Variants in HIGD1B observed in about 807,000 individuals in gnomAD.
HIGD1B encodes HIG1 domain family member 1B.
A neutral mutation model predicts 8.8 loss-of-function variants in HIGD1B; 9 were observed. The observed-to-expected ratio is 1.02, with a 90% CI of 0.62 to 1.78. The LOEUF (loss-of-function observed/expected upper bound fraction) is 1.78, where lower values mean the gene tolerates loss of function less well. HIGD1B is among the 40% of genes most tolerant of loss of function. HIGD1B has a pLI of 0.00. For missense variants in HIGD1B, 126 were observed against 111.8 expected, an observed-to-expected ratio of 1.13 and a Z score of -0.57; for synonymous variants, 47 against 38.8, an observed-to-expected ratio of 1.21 and a Z score of -0.78.
chr17:44,849,495 T>A, intron 2 of HIGD1B, 107 bp downstream of exon 2: 1 of 1,313,970 alleles, frequency 7.6e-7, no homozygotes, highest in Non-Finnish European at 1.0e-6. Flanking sequence ...GGCGCGGTGG[T>A]TCACGCCTGT....
At chr17:44,850,237 G>A (rs1427304366) in intron 2 of HIGD1B, 95 bp from the exon 3 acceptor site, 2 of 896,574 alleles carry the variant, frequency 2.2e-6, no homozygotes, top group Non-Finnish European at 3.5e-6. Context: ...GACTCTCAAG[G>A]GAGCAGCTAG....
At position 44,847,951 on chromosome 17, in the gene HIGD1B, G is replaced by T; in HGVS notation, c.-202G>T. 4.1e-6 allele frequency: 2 copies of T among 488,050 alleles called. 1 individual carries two copies. The highest frequency in any genetic ancestry group is 5.6e-5 in the South Asian group (2 of 35,732). The allele number at this position is 488,050 out of a possible 1,614,324, so 30.2% of individuals were successfully genotyped here. On this transcript the variant is annotated 5_prime_UTR_variant, in exon 1 of 3. Transcript: ENST00000253410. ...TGGAGACGGAGAAATGGCACTAATG[G>T]CCCAGCCACCTGAGATGGGATACCT...
At chr17:44,849,663 G>A (rs1480234136) in intron 2 of HIGD1B, among the ~76,000 whole-genome samples, 4 of 151,066 alleles carry the variant, frequency 2.6e-5, no homozygotes, top group East Asian at 1.9e-4. Flanking sequence ...TGGAGGCTTC[G>A]GCAGGAGAAT....
chr17:44,845,354 A>G (rs1281272164), upstream of HIGD1B, among the ~76,000 whole-genome samples: 4 of 151,754 alleles, frequency 2.6e-5, no homozygotes, highest in Admixed American at 2.6e-4. Flanking sequence ...ATCACCCCAT[A>G]GGTAGTATAA....
At position 44,850,472 on chromosome 17, in the gene HIGD1B, G is replaced by A. The variant is rs1597785135; in HGVS notation, c.*76G>A. On this transcript the variant is annotated 3_prime_UTR_variant, in exon 3 of 3. Coordinates refer to ENST00000253410, the MANE Select transcript of HIGD1B (RefSeq NM_016438.4). ...ACATTCCTAATAAAGCAGTTTTGAGGAAAATCAACAGACTCTTTTTCACTG... is the reference window on the plus strand; with the variant it reads ...ACATTCCTAATAAAGCAGTTTTGAGAAAAATCAACAGACTCTTTTTCACTG... 9.1e-7 allele frequency: 1 copy of A among 1,103,456 alleles called. No individual in the cohort carries two copies. Among genetic ancestry groups the A allele is most frequent in the East Asian group, 2.4e-5 (1 of 41,910 alleles). The allele number at this position is 1,103,456 out of a possible 1,614,324, so 68.4% of individuals were successfully genotyped here. A position where few individuals can be genotyped will look rare whatever the true frequency, so the allele number is the denominator to read the frequency against.
chr17:44,849,200 G>C (rs1175381655), intron 1 of HIGD1B, 54 bp from the exon 2 acceptor site: 2 of 1,603,354 alleles, frequency 1.2e-6, no homozygotes, highest in Non-Finnish European at 1.7e-6. Context: ...TCTCTCATCA[G>C]GGGAGTGCTG....
At chr17:44,845,434 C>T (rs1477968271), upstream of HIGD1B, among the ~76,000 whole-genome samples, 3 of 151,924 alleles carry the variant, frequency 2.0e-5, no homozygotes, top group Non-Finnish European at 2.9e-5. Context: ...AGTTCTGAGA[C>T]CAGCCAGGGT....
intron 1 of HIGD1B, 110 bp from the exon 2 acceptor site, chr17:44,849,144 A>C: frequency 4.1e-5 from 51 of 1,243,036 alleles, no homozygotes; most frequent in East Asian, 1.7e-4. Flanking sequence ...CAGATGCTGC[A>C]TAAAACCAGC....
chr17:44,849,335 T>TGATTCACACCC lies in HIGD1B; in HGVS notation c.185_195dup (p.Val66PhefsTer17). 6.2e-7 allele frequency: 1 copy of TGATTCACACCC among 1,614,186 alleles called. No individual in the cohort carries two copies. Among genetic ancestry groups the TGATTCACACCC allele is most frequent in the Non-Finnish European group, 8.5e-7 (1 of 1,180,030 alleles). ...GGTTCCACCAAGATGTCCATACACC[T>TGATTCACACCC]GATTCACACCCGAGTGGCAGCGCAG... On this transcript the variant is annotated frameshift_variant, in exon 2 of 3. Transcript: ENST00000253410. LOFTEE classifies it high-confidence loss of function.
chr17:44,846,783 T>TAAAA (rs760853788), upstream of HIGD1B, among the ~76,000 whole-genome samples: 1 of 121,360 alleles, frequency 8.2e-6, no homozygotes, highest in African/African-American at 3.0e-5. Flanking sequence ...AGACCCTGCC[T>TAAAA]AAAAAAAAAA....
At chr17:44,845,174 C>A (rs940052948), upstream of HIGD1B, among the ~76,000 whole-genome samples, 4 of 151,286 alleles carry the variant, frequency 2.6e-5, no homozygotes, top group South Asian at 4.2e-4. Context: ...AGGACAATCA[C>A]TTGAACCCGG....
At chr17:44,850,098 G>T in intron 2 of HIGD1B, 1 of 440,596 alleles carries the variant, frequency 2.3e-6, no homozygotes, top group Admixed American at 3.4e-5. Context: ...GCTGCTGTGA[G>T]GTTTCTCAGA....
chr17:44,849,447 C>T, intron 2 of HIGD1B, 59 bp downstream of exon 2: 1 of 1,591,706 alleles, frequency 6.3e-7, no homozygotes, highest in Admixed American at 1.7e-5. Context: ...GTTTGTAGGT[C>T]TTTAAGTCCC....
At chr17:44,849,185 A>G (rs1249005605) in intron 1 of HIGD1B, 69 bp from the exon 2 acceptor site, 6 of 1,566,368 alleles carry the variant, frequency 3.8e-6, no homozygotes, top group Non-Finnish European at 5.2e-6. Flanking sequence ...CTGCCTGGTA[A>G]GGTATCTCTC....
At position 44,849,361 on chromosome 17, in the gene HIGD1B, G is replaced by T. The variant is rs2050384940; in HGVS notation, c.208G>T (p.Ala70Ser). The T allele has an allele frequency of 1.9e-6, 3 of 1,614,174 alleles. No homozygotes were observed. The highest frequency in any genetic ancestry group is 2.5e-6 in the Non-Finnish European group (3 of 1,180,020). Residue 70 changes from alanine (A) to serine (S), a missense_variant, in exon 2 of 3, where the codon GCC becomes TCC. Ala to Ser is a moderately conservative substitution (Grantham distance 99). Coordinates refer to ENST00000253410, the MANE Select transcript of HIGD1B (RefSeq NM_016438.4). ...HLIHTRVAAQ[A>S]CAVGAIMLGA... ...GATTCACACCCGAGTGGCAGCGCAG[G>T]CCTGTGCAGTGGGTGCAATCATGCT...
At chr17:44,846,717 C>G (rs1300385520), upstream of HIGD1B, among the ~76,000 whole-genome samples, 1 of 150,556 alleles carries the variant, frequency 6.6e-6, no homozygotes, top group African/African-American at 2.5e-5. Flanking sequence ...CTGCTTGAGT[C>G]TGGAGGGTCA....
chr17:44,849,067 T>C (rs1475323479), intron 1 of HIGD1B, 187 bp from the exon 2 acceptor site: 8 of 587,260 alleles, frequency 1.4e-5, no homozygotes, highest in Non-Finnish European at 5.7e-6. Context: ...TGAGCCACCA[T>C]GCCCCGGCAA....
In HIGD1B at chr17:44,850,315, T is replaced by G; in HGVS notation, c.236-17T>G. ...GGGTTTGATGCCAAGGGGCATTATT[T>G]CTTTTCTCTCACACAGGTGCTGTGT... On this transcript the variant is annotated splice_polypyrimidine_tract_variant and intron_variant, in intron 2 of 2. Coordinates refer to ENST00000253410, the MANE Select transcript of HIGD1B (RefSeq NM_016438.4). The G allele has an allele frequency of 1.9e-6, 3 of 1,606,750 alleles. No homozygotes were observed. The highest frequency in any genetic ancestry group is 2.6e-6 in the Non-Finnish European group (3 of 1,175,606).
Position 44,850,434 on chromosome 17 carries a change from C to T in HIGD1B, c.*38C>T. 1 of 1,464,468 alleles carries T rather than the reference C, an allele frequency of 6.8e-7. No individual in the cohort carries two copies. Among genetic ancestry groups the T allele is most frequent in the Non-Finnish European group, 9.5e-7 (1 of 1,048,116 alleles). The allele number at this position is 1,464,468 out of a possible 1,614,324, so 90.7% of individuals were successfully genotyped here. Reference sequence around the variant, plus strand: ...AGCCGGGGCTGTCCAACTCCCCTAACTCAATCCCTGGTACATTCCTAATAA... The same window carrying T: ...AGCCGGGGCTGTCCAACTCCCCTAATTCAATCCCTGGTACATTCCTAATAA... On this transcript the variant is annotated 3_prime_UTR_variant, in exon 3 of 3. Transcript: ENST00000253410.
Sources: gnomAD v4.1 joint callset for allele counts (sites outside exome capture counted in the v4.1 genomes callset) on GRCh38, gnomAD v4.1.1 for gene constraint, MANE v1.5 for transcripts, NCBI Gene and HGNC (gene_info 2026-07-23, HGNC 2026-07-21) for gene names.